The following ITPR3 variants were observed in gnomAD, a reference collection of about 807,000 sequenced individuals.
ITPR3 encodes inositol 1,4,5-trisphosphate receptor type 3.
ITPR3 carries 173 observed loss-of-function variants against 293.2 expected under a neutral mutation model. The ratio of observed to expected loss-of-function variants is 0.59; its 90% CI spans 0.52 to 0.67. ITPR3 has a LOEUF of 0.67. Among genes scored for constraint, ITPR3 ranks in the 30% least tolerant of loss-of-function variants. The pLI is 0.00. For synonymous variants in ITPR3, 1,295 were observed against 1,444.4 expected (o/e 0.90, Z 2.35); for missense variants, 2,796 against 3,592.1 (o/e 0.78, Z 5.66).
At chr6:33,651,977 G>A (rs1339445734) in intron 2 of ITPR3, among the ~76,000 whole-genome samples, 1 of 152,258 alleles carries the variant, frequency 6.6e-6, no homozygotes, top group East Asian at 1.9e-4. Flanking sequence ...CTTTTCTCCT[G>A]TCTGGACTAG....
chr6:33,663,065 G>A (rs1382501872), intron 9 of ITPR3, 59 bp downstream of exon 9: 12 of 1,442,758 alleles, frequency 8.3e-6, no homozygotes, highest in Non-Finnish European at 1.1e-5. Flanking sequence ...GTGGGTGTGC[G>A]GGAACATGTG....
chr6:33,680,820 C>CTT lies in ITPR3; in HGVS notation c.4476+157_4476+158dup, dbSNP rs747753235. On this transcript the variant is annotated intron_variant, in intron 33 of 57. Transcript: ENST00000605930. ...AAGGATACATAAGTGTATTGGTTAT[C>CTT]TTTTTTTTTTTTTTTTTTGAGATGG... 6.5e-3 allele frequency: 3,708 copies of CTT among 566,410 alleles called. 4 individuals carry two copies. The highest frequency in any genetic ancestry group is 0.014 in the Middle Eastern group (23 of 1,636). 35.1% of individuals were successfully genotyped at this position (566,410 alleles called of 1,614,324 possible).
chr6:33,678,612 CT>C (rs767244059), intron 29 of ITPR3, 26 bp from the exon 30 acceptor site: 90 of 1,601,660 alleles, frequency 5.6e-5, no homozygotes, highest in Non-Finnish European at 7.0e-5. Flanking sequence ...GCCCAGATCT[CT>C]TTCTGACAGA....
rs1385106833 is a variant in ITPR3 at position 33,680,391 on chromosome 6, G to A, written c.4287G>A (p.Lys1429=). The A allele has an allele frequency of 7.0e-7, 1 of 1,424,934 alleles. No individual in the cohort carries two copies. Among genetic ancestry groups the A allele is most frequent in the Non-Finnish European group, 9.2e-7 (1 of 1,085,700 alleles). 88.3% of individuals were successfully genotyped at this position (1,424,934 alleles called of 1,614,324 possible). The part of the protein sequence containing the change: ...HCYVDTEVEM[K]EIYTSNHIWT... ...ACGTGGACACGGAGGTGGAGATGAA[G>A]GAGATCTACACCAGCAACCACATCT... The change falls in exon 32 of 58, where the codon AAG becomes AAA. Residue 1429 remains lysine (K), a synonymous_variant. Transcript: ENST00000605930.
chr6:33,653,705 T>A (rs1233075981), intron 2 of ITPR3, among the ~76,000 whole-genome samples: 1 of 152,186 alleles, frequency 6.6e-6, no homozygotes, highest in East Asian at 1.9e-4. Context: ...CCCAGGATAA[T>A]CTCTGTGGTG....
intron 57 of ITPR3, chr6:33,695,302 CTT>C: frequency 1.7e-6 from 1 of 598,600 alleles, no homozygotes; most frequent in Non-Finnish European, 2.9e-6. Flanking sequence ...CAAGTGGAAA[CTT>C]TAGTACAGGG....
In ITPR3 at chr6:33,688,259, C is replaced by T; in HGVS notation, c.6396C>T (p.Ser2132=). Residue 2132 remains serine (S), a synonymous_variant, in exon 48 of 58, where the codon AGC becomes AGT. Coordinates refer to ENST00000605930, the MANE Select transcript of ITPR3 (RefSeq NM_002224.4). ...SQIEIVRQDR[S]MEQIVFPVPG... ...CTCAGATTGTGCGGCAGGACCGCAG[C>T]ATGGAGCAGATCGTGTTCCCAGTGC... 6.2e-7 allele frequency: 1 copy of T among 1,614,198 alleles called. No individual in the cohort carries two copies. Among genetic ancestry groups the T allele is most frequent in the East Asian group, 2.2e-5 (1 of 44,878 alleles).
chr6:33,679,214 G>A lies in ITPR3; in HGVS notation c.3972+375G>A, dbSNP rs762403178. ...TCAGCTGAGTGTCAGCTCCTGGGGG[G>A]CACGGGCAGGGACCCCATCCTTTGT... On this transcript the variant is annotated intron_variant, in intron 30 of 57. Coordinates refer to ENST00000605930, the MANE Select transcript of ITPR3 (RefSeq NM_002224.4). This position sits in a 1 kb window ranked among gnomAD's most constrained non-coding sequence, Gnocchi z 4.2. Among the ~76,000 whole-genome samples the A allele has an allele frequency of 1.1e-4, 16 of 152,202 alleles. No individual in the cohort carries two copies. The highest frequency in any genetic ancestry group is 2.1e-4 in the Non-Finnish European group (14 of 68,038).
At chr6:33,639,378 C>CA (rs34424556) in intron 1 of ITPR3, among the ~76,000 whole-genome samples, 13,873 of 94,762 alleles carry the variant, frequency 0.15, 1,659 homozygotes, top group African/African-American at 0.34. Flanking sequence ...AACTCTGTCT[C>CA]AAAAAAAAAA....
intron 2 of ITPR3, among the ~76,000 whole-genome samples, chr6:33,651,417 GT>G (rs1436452910): frequency 1.3e-5 from 2 of 152,168 alleles, no homozygotes; most frequent in African/African-American, 4.8e-5. Flanking sequence ...GTCGTTTGGG[GT>G]TACTTGAACC....
intron 2 of ITPR3, among the ~76,000 whole-genome samples, chr6:33,652,955 T>C (rs781084975): frequency 3.3e-5 from 5 of 152,182 alleles, no homozygotes; most frequent in Non-Finnish European, 5.9e-5. Context: ...TCGCTCAGGC[T>C]GGAGTGCAGT....
At position 33,679,990 on chromosome 6, in the gene ITPR3, C is replaced by A. The variant is rs1215885460; in HGVS notation, c.4081C>A (p.Pro1361Thr). 2.5e-6 allele frequency: 4 copies of A among 1,613,920 alleles called. No homozygotes were observed. The highest frequency in any genetic ancestry group is 2.5e-6 in the Non-Finnish European group (3 of 1,180,036). ...CCGCGACGGCGTGGAGGACCACAGC[C>A]CCCTCATGTACCACATTTCCCTGGT... ...AARDGVEDHS[P>T]LMYHISLVDL... The change falls in exon 31 of 58, where the codon CCC becomes ACC. Residue 1361 changes from proline to threonine, a missense_variant. Pro to Thr is a conservative substitution (Grantham distance 38). Coordinates refer to ENST00000605930, the MANE Select transcript of ITPR3 (RefSeq NM_002224.4). This position sits in a 1 kb window ranked among gnomAD's most constrained non-coding sequence, Gnocchi z 4.2.
chr6:33,688,132 CT>C lies in ITPR3; in HGVS notation c.6341del (p.Leu2114ArgfsTer34), dbSNP rs748665971. On this transcript the variant is annotated frameshift_variant, in exon 47 of 58. Transcript: ENST00000605930. LOFTEE classifies it high-confidence loss of function. ...APAQEEEEDPLAYYENHTSQI... is the reference protein window; with the variant it reads ...APAQEEEEDPXAYYENHTSQI... ...AGCACAGGAGGAGGAGGAAGACCCC[CT>C]GGCCTACTATGAGAACCACACGTCC... The C allele has an allele frequency of 6.2e-7, 1 of 1,614,182 alleles. No homozygotes were observed. Among genetic ancestry groups the C allele is most frequent in the South Asian group, 1.1e-5 (1 of 91,090 alleles).
chr6:33,680,594 T>A lies in ITPR3; in HGVS notation c.4390T>A (p.Leu1464Met). 1 of 1,614,112 alleles carries A rather than the reference T, an allele frequency of 6.2e-7. No homozygotes were observed. Among genetic ancestry groups the A allele is most frequent in the East Asian group, 2.2e-5 (1 of 44,870 alleles). ...KREKRVADPTLEKYVLSVVLD... is the reference protein window; with the variant it reads ...KREKRVADPTMEKYVLSVVLD... ...TGAGAAGCGCGTGGCTGACCCCACC[T>A]TGGAGAAGTACGTGCTGAGCGTTGT... Residue 1464 changes from leucine (L) to methionine (M), a missense_variant, in exon 33 of 58, where the codon TTG (leucine) becomes ATG (methionine). Leu to Met is a conservative substitution (Grantham distance 15). Around this residue, in one of 8 missense-constraint regions of ITPR3, gnomAD observed 344 missense variants for 460.3 expected, o/e 0.75. Transcript: ENST00000605930.
At position 33,678,625 on chromosome 6, in the gene ITPR3, G is replaced by A. The variant is rs376931548; in HGVS notation, c.3772-14G>A. 1 of 1,608,332 alleles carries A rather than the reference G, an allele frequency of 6.2e-7. No homozygotes were observed. The highest frequency in any genetic ancestry group is 1.3e-5 in the African/African-American group (1 of 74,798). On this transcript the variant is annotated splice_polypyrimidine_tract_variant and intron_variant, in intron 29 of 57. Transcript: ENST00000605930. ...GGGCCCAGATCTCTTTCTGACAGAT[G>A]CCCCCCACTGCAGCTCCTGGAGGCA...
chr6:33,624,869 G>A lies in ITPR3; in HGVS notation c.89+3178G>A, dbSNP rs1338637834. 1.3e-5 allele frequency among the ~76,000 whole-genome samples: 2 copies of A among 152,242 alleles called. No individual in the cohort carries two copies. Among genetic ancestry groups the A allele is most frequent in the African/African-American group, 4.8e-5 (2 of 41,474 alleles). ...TTCAGATTCTGGCCAGAGCTCTTCA[G>A]TGCAAAGTGGACGAGGCCAATTAGA... On this transcript the variant is annotated intron_variant, in intron 1 of 57. Coordinates refer to ENST00000605930, the MANE Select transcript of ITPR3 (RefSeq NM_002224.4). This position sits in a 1 kb window ranked among gnomAD's most constrained non-coding sequence, Gnocchi z 4.7.
chr6:33,692,036 C>A lies in ITPR3; in HGVS notation c.7458+108C>A. 2 of 1,438,808 alleles carry A rather than the reference C, an allele frequency of 1.4e-6. No individual in the cohort carries two copies. The highest frequency in any genetic ancestry group is 1.7e-5 in the Admixed American group (1 of 58,802). 89.1% of individuals were successfully genotyped at this position (1,438,808 alleles called of 1,614,324 possible). ...CTCGCGTCAGATATTCAGGGTTGAA[C>A]CCCCTCCCCCGAACTTGTATCCACT... On this transcript the variant is annotated intron_variant, in intron 54 of 57. Coordinates refer to ENST00000605930, the MANE Select transcript of ITPR3 (RefSeq NM_002224.4). The surrounding 1 kb of genome is among the most constrained non-coding windows in gnomAD (Gnocchi z 4.2).
rs567688636 is a variant in ITPR3, at chr6:33,654,825, T to G, written c.161-941T>G. On this transcript the variant is annotated intron_variant, in intron 2 of 57. Transcript: ENST00000605930. This position sits in a 1 kb window ranked among gnomAD's most constrained non-coding sequence, Gnocchi z 4.1. ...CTCCTGTGATGGGGAGCTCACTGCT[T>G]CCCAGCCCAGCCCAGGCTATTGTCA... Among the ~76,000 whole-genome samples the G allele has an allele frequency of 6.6e-6, 1 of 152,138 alleles. No homozygotes were observed. The highest frequency in any genetic ancestry group is 1.9e-4 in the East Asian group (1 of 5,170).
chr6:33,673,832 C>A (rs1764834888), intron 23 of ITPR3, 112 bp downstream of exon 23: 3 of 1,239,456 alleles, frequency 2.4e-6, no homozygotes, highest in Non-Finnish European at 3.4e-6. Context: ...CTGCAAAGGC[C>A]TTTTCTTTCC....
Sources: gnomAD v4.1 joint callset for allele counts (sites outside exome capture counted in the v4.1 genomes callset) on GRCh38, gnomAD v4.1.1 for gene constraint, gnomAD v4.1.1 regional missense constraint, Gnocchi (gnomAD v3.1) non-coding constraint, MANE v1.5 for transcripts, NCBI Gene and HGNC (gene_info 2026-07-23, HGNC 2026-07-21) for gene names.